GRK5: variants seen among roughly 807,000 people sequenced by gnomAD.
GRK5 encodes G protein-coupled receptor kinase 5, also known as g protein-coupled receptor kinase GRK5.
A neutral mutation model predicts 78.4 loss-of-function variants in GRK5; 40 were observed. The observed-to-expected ratio is 0.51, with a 90% confidence interval of 0.40 to 0.66. GRK5 has a LOEUF of 0.66. Among genes scored for constraint, GRK5 ranks in the 30% least tolerant of loss-of-function variants. The pLI is 0.00. For synonymous variants in GRK5, 289 were observed against 296.8 expected (o/e 0.97, Z 0.27); for missense variants, 598 against 759.9 (o/e 0.79, Z 2.50).
At chr10:119,303,195 GCT>G (rs1850212807) in intron 1 of GRK5, among the ~76,000 whole-genome samples, 2 of 152,032 alleles carry the variant, frequency 1.3e-5, no homozygotes, top group South Asian at 4.1e-4. Flanking sequence ...AGAGTAAAAC[GCT>G]AGTTGGACGA....
chr10:119,298,873 T>G (rs1359953757), intron 1 of GRK5, among the ~76,000 whole-genome samples: 2 of 151,948 alleles, frequency 1.3e-5, no homozygotes, highest in African/African-American at 4.8e-5. Context: ...CTGGCCAACT[T>G]CAGCCTTTGC....
At chr10:119,439,065 A>G (rs111744426) in intron 9 of GRK5, among the ~76,000 whole-genome samples, 162 of 152,344 alleles carry the variant, frequency 1.1e-3, no homozygotes, top group African/African-American at 3.6e-3. Flanking sequence ...TTTTACCCAT[A>G]GAGAAGACCT....
At chr10:119,355,863 A>G (rs1851256857) in intron 2 of GRK5, among the ~76,000 whole-genome samples, 1 of 152,230 alleles carries the variant, frequency 6.6e-6, no homozygotes, top group Non-Finnish European at 1.5e-5. Flanking sequence ...GAGTCCATAA[A>G]GTTTCAGAGT....
chr10:119,348,748 A>C (rs1851143504), intron 2 of GRK5, among the ~76,000 whole-genome samples: 1 of 152,204 alleles, frequency 6.6e-6, no homozygotes, highest in Non-Finnish European at 1.5e-5. Flanking sequence ...GAGCATGCTG[A>C]GGCGGGCCAC....
chr10:119,342,293 C>T (rs1032453935), intron 2 of GRK5, among the ~76,000 whole-genome samples: 25 of 152,222 alleles, frequency 1.6e-4, no homozygotes, highest in Admixed American at 1.3e-3. Context: ...TAAACCAAAC[C>T]GGTGCTGCTG....
intron 1 of GRK5, among the ~76,000 whole-genome samples, chr10:119,315,506 C>T (rs1850470481): frequency 1.3e-5 from 2 of 152,172 alleles, no homozygotes; most frequent in Admixed American, 6.5e-5. Flanking sequence ...GCAGTAGACA[C>T]AGGGGTAACC....
At chr10:119,373,115 C>G (rs1407420839) in intron 2 of GRK5, among the ~76,000 whole-genome samples, 3 of 152,182 alleles carry the variant, frequency 2.0e-5, no homozygotes, top group Non-Finnish European at 1.5e-5. Context: ...GTCAGACTCA[C>G]GTGGAAAGTT....
In GRK5 at chr10:119,455,503, A is replaced by G. The variant is rs1349486259; in HGVS notation, c.*436A>G. On this transcript the variant is annotated 3_prime_UTR_variant, in exon 16 of 16. Coordinates refer to ENST00000392870, the MANE Select transcript of GRK5 (RefSeq NM_005308.3). ...TTTTCTGTGCAGCCACTGTTAAGCCATGTGTTCCAAGGCATTTTAGCGGGG... is the reference window on the plus strand; with the variant it reads ...TTTTCTGTGCAGCCACTGTTAAGCCGTGTGTTCCAAGGCATTTTAGCGGGG... 2 of 327,270 alleles carry G rather than the reference A, an allele frequency of 6.1e-6. No individual in the cohort carries two copies. Among genetic ancestry groups the G allele is most frequent in the East Asian group, 1.9e-4 (2 of 10,424 alleles). 20.3% of individuals were successfully genotyped at this position (327,270 alleles called of 1,614,324 possible).
At chr10:119,404,485 G>A (rs539272976) in intron 4 of GRK5, among the ~76,000 whole-genome samples, 12 of 152,208 alleles carry the variant, frequency 7.9e-5, no homozygotes, top group East Asian at 5.8e-4. Context: ...TCTTGATAGC[G>A]TCCTTTGAAT....
At chr10:119,298,114 CTTACTGCA>C (rs1850114119) in intron 1 of GRK5, among the ~76,000 whole-genome samples, 1 of 152,336 alleles carries the variant, frequency 6.6e-6, no homozygotes, top group South Asian at 2.1e-4. Context: ...TTATTGAGCA[CTTACTGCA>C]TGCATGTGCT....
At chr10:119,272,321 A>C (rs1849595342) in intron 1 of GRK5, among the ~76,000 whole-genome samples, 1 of 152,196 alleles carries the variant, frequency 6.6e-6, no homozygotes, top group Non-Finnish European at 1.5e-5. Flanking sequence ...TCACGCCTGT[A>C]ATCCCAGCAC....
intron 1 of GRK5, among the ~76,000 whole-genome samples, chr10:119,315,211 G>A (rs774873612): frequency 2.0e-5 from 3 of 152,168 alleles, no homozygotes; most frequent in South Asian, 2.1e-4. Context: ...CAAGTGCATC[G>A]GGTTGGAGAA....
intron 1 of GRK5, among the ~76,000 whole-genome samples, chr10:119,251,383 A>G (rs1403397647): frequency 6.6e-6 from 1 of 152,244 alleles, no homozygotes; most frequent in African/African-American, 2.4e-5. Context: ...TTATGGCATC[A>G]CCAATGCCTT....
intron 2 of GRK5, among the ~76,000 whole-genome samples, chr10:119,370,196 T>G (rs1851524461): frequency 6.6e-6 from 1 of 151,894 alleles, no homozygotes. Context: ...TTTTCTTCCT[T>G]CCACAGACCC....
chr10:119,229,400 C>T (rs1564856129), intron 1 of GRK5, among the ~76,000 whole-genome samples: 1 of 152,192 alleles, frequency 6.6e-6, no homozygotes, highest in Non-Finnish European at 1.5e-5. Context: ...AAGAGATACT[C>T]TGTCTGTAAT....
At chr10:119,257,440 A>G (rs1373603290) in intron 1 of GRK5, among the ~76,000 whole-genome samples, 2 of 152,214 alleles carry the variant, frequency 1.3e-5, no homozygotes. Flanking sequence ...GTGCTGGGGC[A>G]GGGGCCGGGT....
chr10:119,423,417 G>A (rs1386888810), intron 5 of GRK5, 151 bp downstream of exon 5: 4 of 604,686 alleles, frequency 6.6e-6, no homozygotes, highest in Admixed American at 2.9e-5. Context: ...TACTTCCCAC[G>A]AAGAGAAAAA....
At position 119,452,847 on chromosome 10, in the gene GRK5, G is replaced by T; in HGVS notation, c.1542+39G>T. On this transcript the variant is annotated intron_variant, in intron 14 of 15. Coordinates refer to ENST00000392870, the MANE Select transcript of GRK5 (RefSeq NM_005308.3). The surrounding 1 kb of genome is among the most constrained non-coding windows in gnomAD (Gnocchi z 4.4). The stretch of plus-strand genomic sequence containing the variant: ...ACCACTTGCTTTGGTCTGGGTGGGA[G>T]GGAGGGACTGACGGGTGGAAGGAGG... 2.5e-6 allele frequency: 4 copies of T among 1,585,438 alleles called. No individual in the cohort carries two copies. Among genetic ancestry groups the T allele is most frequent in the East Asian group, 2.3e-5 (1 of 44,372 alleles).
At position 119,267,669 on chromosome 10, in the gene GRK5, C is replaced by T. The variant is rs766613591; in HGVS notation, c.53-58847C>T. Among the ~76,000 whole-genome samples, 4 of 152,152 alleles carry T rather than the reference C, an allele frequency of 2.6e-5. No individual in the cohort carries two copies. Among genetic ancestry groups the T allele is most frequent in the African/African-American group, 9.7e-5 (4 of 41,420 alleles). ...GTTCTATAGCAAGGAGGTCCAGCAC[C>T]GCTCGTGGACCCAAACTGTCCTCCA... On this transcript the variant is annotated intron_variant, in intron 1 of 15. Coordinates refer to ENST00000392870, the MANE Select transcript of GRK5 (RefSeq NM_005308.3). This position sits in a 1 kb window ranked among gnomAD's most constrained non-coding sequence, Gnocchi z 4.1.
Sources: gnomAD v4.1 joint callset for allele counts (sites outside exome capture counted in the v4.1 genomes callset) on GRCh38, gnomAD v4.1.1 for gene constraint, Gnocchi (gnomAD v3.1) non-coding constraint, MANE v1.5 for transcripts, NCBI Gene and HGNC (gene_info 2026-07-23, HGNC 2026-07-21) for gene names.